Variants in CREBRF observed in about 807,000 individuals in gnomAD.
CREBRF encodes the protein CREB3 regulatory factor, also known as UPF0474 protein C5orf41.
In CREBRF, 5 loss-of-function variants were observed where a neutral mutation model predicts 66.1. That is an observed-to-expected ratio of 0.08 (90% CI 0.04 to 0.16). The LOEUF is 0.16. CREBRF is among the 10% of genes least tolerant of loss of function. CREBRF has a pLI of 1.00. For synonymous variants in CREBRF, 229 were observed against 264.4 expected (o/e 0.87, Z 1.30); for missense variants, 531 against 744.9 (o/e 0.71, Z 3.34).
chr5:173,103,262 AC>A (rs1216916829), intron 4 of CREBRF, among the ~76,000 whole-genome samples: 3 of 152,128 alleles, frequency 2.0e-5, no homozygotes, highest in Admixed American at 1.3e-4. Flanking sequence ...TTGAAGTAAA[AC>A]CCTTTTGGTT....
intron 1 of CREBRF, among the ~76,000 whole-genome samples, chr5:173,078,490 ATATT>A (rs1452732295): frequency 1.3e-5 from 2 of 150,586 alleles, no homozygotes; most frequent in African/African-American, 2.4e-5. Flanking sequence ...TAATAAATAT[ATATT>A]TATTATTCGT....
At chr5:173,133,266 G>A (rs935486278) in intron 8 of CREBRF, among the ~76,000 whole-genome samples, 1 of 152,208 alleles carries the variant, frequency 6.6e-6, no homozygotes. Flanking sequence ...TAGAGTAATT[G>A]GAAGAGACTG....
chr5:173,091,244 A>AGAAGATGAG lies in CREBRF; in HGVS notation c.1068_1076dup (p.Glu361_Asp363dup), dbSNP rs1436944557. On this transcript the variant is annotated inframe_insertion, in exon 4 of 9. Transcript: ENST00000296953. ...AACAGCCAACTAAATGCAGTCCTGA[A>AGAAGATGAG]GAAGATGAGGAGGACGAGGAGGATG... 1 of 1,614,144 alleles carries AGAAGATGAG rather than the reference A, an allele frequency of 6.2e-7. No individual in the cohort carries two copies. The highest frequency in any genetic ancestry group is 8.5e-7 in the Non-Finnish European group (1 of 1,180,018).
At chr5:173,132,933 C>T (rs545439940) in intron 8 of CREBRF, among the ~76,000 whole-genome samples, 41 of 151,932 alleles carry the variant, frequency 2.7e-4, no homozygotes, top group Non-Finnish European at 5.0e-4. Context: ...CCGTGCCTAG[C>T]TGACAAATAT....
intron 4 of CREBRF, among the ~76,000 whole-genome samples, chr5:173,104,218 TTAAAAC>T (rs1758695293): frequency 6.6e-6 from 1 of 152,232 alleles, no homozygotes; most frequent in South Asian, 2.1e-4. Flanking sequence ...ATGAGAGATT[TTAAAAC>T]TTACCTGACT....
At chr5:173,095,220 G>C (rs561248314) in intron 4 of CREBRF, among the ~76,000 whole-genome samples, 2 of 117,048 alleles carry the variant, frequency 1.7e-5, no homozygotes, top group Non-Finnish European at 3.3e-5. Flanking sequence ...ATGGAGTCTC[G>C]TTCTGTTGCT....
intron 1 of CREBRF, among the ~76,000 whole-genome samples, chr5:173,074,057 C>T (rs1165081004): frequency 6.6e-6 from 1 of 152,128 alleles, no homozygotes; most frequent in Non-Finnish European, 1.5e-5. Context: ...AATCCCATCC[C>T]TTTGGGAGGC....
chr5:173,063,813 C>A (rs1757353177), intron 1 of CREBRF, among the ~76,000 whole-genome samples: 1 of 151,984 alleles, frequency 6.6e-6, no homozygotes, highest in African/African-American at 2.4e-5. Context: ...CCTTCGCATC[C>A]TGGGTTCAAG....
chr5:173,138,951 T>C lies in CREBRF; in HGVS notation c.*5206T>C, dbSNP rs1409188974. ...ATACAATGTGGCAACCTCTTTTGCA[T>C]AGTTGCGTAGGATCCTGTTTGTAAT... On this transcript the variant is annotated 3_prime_UTR_variant, in exon 9 of 9. Coordinates refer to ENST00000296953, the MANE Select transcript of CREBRF (RefSeq NM_153607.3). The C allele has an allele frequency of 2.0e-5, 3 of 152,098 alleles. No homozygotes were observed. The highest frequency in any genetic ancestry group is 4.4e-5 in the Non-Finnish European group (3 of 68,024). The allele number at this position is 152,098 out of a possible 1,614,324, so 9.4% of individuals were successfully genotyped here.
At chr5:173,062,496 T>C (rs1272261482) in intron 1 of CREBRF, among the ~76,000 whole-genome samples, 1 of 152,182 alleles carries the variant, frequency 6.6e-6, no homozygotes, top group Non-Finnish European at 1.5e-5. Flanking sequence ...TTAAGAAAGT[T>C]TTTAGAGAAG....
chr5:173,115,163 A>G (rs207466626), intron 7 of CREBRF, among the ~76,000 whole-genome samples: 3 of 149,164 alleles, frequency 2.0e-5, no homozygotes, highest in South Asian at 2.1e-4. Flanking sequence ...CTGGAGTGCA[A>G]TGGCGCGATC....
chr5:173,076,486 C>T (rs185236451), intron 1 of CREBRF, among the ~76,000 whole-genome samples: 2 of 152,216 alleles, frequency 1.3e-5, no homozygotes, highest in African/African-American at 4.8e-5. Flanking sequence ...ATCAGTGTCT[C>T]GCACCTGTAA....
At chr5:173,095,927 C>T (rs535090444) in intron 4 of CREBRF, among the ~76,000 whole-genome samples, 1 of 151,920 alleles carries the variant, frequency 6.6e-6, no homozygotes, top group African/African-American at 2.4e-5. Context: ...TTGTATCCTG[C>T]AGCTTTACTG....
chr5:173,067,050 C>G (rs1481544622), intron 1 of CREBRF, among the ~76,000 whole-genome samples: 1 of 152,044 alleles, frequency 6.6e-6, no homozygotes, highest in African/African-American at 2.4e-5. Flanking sequence ...TGGTTGCAAG[C>G]AGTCCTCCTG....
intron 4 of CREBRF, among the ~76,000 whole-genome samples, chr5:173,100,084 G>GTGTT (rs200913035): frequency 2.8e-5 from 3 of 109,082 alleles, no homozygotes; most frequent in African/African-American, 3.9e-5. Flanking sequence ...TCTTTTGTGT[G>GTGTT]TGTGTGTGTG....
intron 7 of CREBRF, among the ~76,000 whole-genome samples, chr5:173,114,627 T>C (rs1446144300): frequency 6.6e-6 from 1 of 152,204 alleles, no homozygotes; most frequent in African/African-American, 2.4e-5. Context: ...TCATTTTTAA[T>C]ATGTCATGAA....
At chr5:173,085,712 C>T (rs1172089979) in intron 2 of CREBRF, 18 of 746,936 alleles carry the variant, frequency 2.4e-5, no homozygotes, top group East Asian at 9.9e-5. Flanking sequence ...CCACCGCACC[C>T]GGCCATCAGA....
chr5:173,056,996 A>G (rs1391372275), intron 1 of CREBRF, among the ~76,000 whole-genome samples: 1 of 147,108 alleles, frequency 6.8e-6, no homozygotes, highest in East Asian at 2.0e-4. Context: ...CAGGAGACGA[A>G]GAGGCGCGGG....
rs1214264746 is a variant in CREBRF, at chr5:173,116,264, T to C, written c.1681+3885T>C. On this transcript the variant is annotated intron_variant, in intron 7 of 8. Transcript: ENST00000296953. ...CGAGGTATAATTGAAGTACAGTACC[T>C]ACACATTGAAAGAGTATAATTCGAT... 2.6e-5 allele frequency among the ~76,000 whole-genome samples: 4 copies of C among 152,234 alleles called. No individual in the cohort carries two copies. In the East Asian group the frequency reaches 7.7e-4, roughly 29 times the overall value.
Sources: gnomAD v4.1 joint callset for allele counts (sites outside exome capture counted in the v4.1 genomes callset) on GRCh38, gnomAD v4.1.1 for gene constraint, MANE v1.5 for transcripts, NCBI Gene and HGNC (gene_info 2026-07-23, HGNC 2026-07-21) for gene names.